AMOTL1: variants seen among roughly 807,000 people sequenced by gnomAD.
AMOTL1 encodes the protein angiomotin like 1.
AMOTL1 carries 45 observed loss-of-function variants against 102.9 expected under a neutral mutation model. That is an observed-to-expected ratio of 0.44 (90% CI 0.34 to 0.56). The LOEUF (loss-of-function observed/expected upper bound fraction) is 0.56, where lower values mean the gene tolerates loss of function less well. AMOTL1 is among the 20% of genes least tolerant of loss of function. The probability of loss-of-function intolerance (pLI) is 0.01; values close to 1 mark genes in which losing one functional copy is unlikely to be tolerated. For missense variants in AMOTL1, 1,114 were observed against 1,225.6 expected, an observed-to-expected ratio of 0.91 and a Z score of 1.36; for synonymous variants, 481 against 484.7, an observed-to-expected ratio of 0.99 and a Z score of 0.10.
At chr11:94,732,794 CT>C (rs369963002) in intron 2 of AMOTL1, among the ~76,000 whole-genome samples, 2 of 152,180 alleles carry the variant, frequency 1.3e-5, no homozygotes, top group African/African-American at 4.8e-5. Context: ...GCTTAAGCTC[CT>C]CTTTAGGGGA....
chr11:94,845,617 G>A (rs1038590753), intron 6 of AMOTL1, among the ~76,000 whole-genome samples: 1 of 152,208 alleles, frequency 6.6e-6, no homozygotes, highest in African/African-American at 2.4e-5. Flanking sequence ...AATAGATCTT[G>A]TGAGCTTCAT....
chr11:94,804,402 C>G (rs1471008996), intron 3 of AMOTL1, among the ~76,000 whole-genome samples: 2 of 152,332 alleles, frequency 1.3e-5, no homozygotes, highest in East Asian at 3.9e-4. Context: ...ATCCTCCCAT[C>G]ATAGTCTCCC....
intron 6 of AMOTL1, among the ~76,000 whole-genome samples, chr11:94,836,575 T>G (rs1279456856): frequency 6.6e-6 from 1 of 152,198 alleles, no homozygotes. Flanking sequence ...AGGCTTGAAA[T>G]TATCCTTATG....
intron 3 of AMOTL1, among the ~76,000 whole-genome samples, chr11:94,752,968 TTG>T (rs1376225837): frequency 2.6e-5 from 4 of 152,226 alleles, no homozygotes; most frequent in Non-Finnish European, 5.9e-5. Context: ...ATTGTTGCTC[TTG>T]TGGTTGGTCA....
At chr11:94,795,934 C>G (rs1377037387) in intron 2 of AMOTL1, among the ~76,000 whole-genome samples, 2 of 152,130 alleles carry the variant, frequency 1.3e-5, no homozygotes, top group Non-Finnish European at 2.9e-5. Flanking sequence ...TTTCGTAACC[C>G]CAGCACCTGT....
rs117309376 is a variant in AMOTL1 at position 94,806,551 on chromosome 11, C to T, written c.1121+6240C>T. Among the ~76,000 whole-genome samples the T allele has an allele frequency of 9.7e-3, 1,476 of 152,272 alleles. 15 individuals are homozygous for T. Among genetic ancestry groups the T allele is most frequent in the Middle Eastern group, 0.02 (6 of 294 alleles). ...GCCATGGAGCCTTATTTAAATTCCA[C>T]CAGCTAAACATGTGTTTTGAATACC... On this transcript the variant is annotated intron_variant, in intron 3 of 12. Coordinates refer to ENST00000433060, the MANE Select transcript of AMOTL1 (RefSeq NM_130847.3).
chr11:94,760,930 TTTTTTA>T (rs1228879582), intron 3 of AMOTL1, among the ~76,000 whole-genome samples: 4 of 151,980 alleles, frequency 2.6e-5, no homozygotes, highest in Non-Finnish European at 5.9e-5. Flanking sequence ...ACCTGGTCAA[TTTTTTA>T]TTTTTATTTT....
chr11:94,821,738 A>G lies in AMOTL1; in HGVS notation c.1330A>G (p.Met444Val). 1.2e-6 allele frequency: 2 copies of G among 1,613,994 alleles called. No homozygotes were observed. The highest frequency in any genetic ancestry group is 1.1e-5 in the South Asian group (1 of 91,090). The change falls in exon 4 of 13, where the codon ATG becomes GTG. Residue 444 changes from methionine to valine, a missense_variant. Physicochemically the swap from Met to Val is conservative, Grantham distance 21 (BLOSUM62 1). Coordinates refer to ENST00000433060, the MANE Select transcript of AMOTL1 (RefSeq NM_130847.3). ...AFAIVERAQQ[M>V]VEILTEENRV... ...TGCGATTGTGGAGCGAGCCCAGCAA[A>G]TGGTGGAGATATTAACAGAGGAGAA...
At chr11:94,817,694 T>G (rs1938247421) in intron 3 of AMOTL1, among the ~76,000 whole-genome samples, 1 of 152,178 alleles carries the variant, frequency 6.6e-6, no homozygotes, top group Non-Finnish European at 1.5e-5. Context: ...TCAAAAGGTG[T>G]TTTTTATAAT....
At chr11:94,752,224 C>T (rs1159523005) in intron 3 of AMOTL1, among the ~76,000 whole-genome samples, 1 of 152,230 alleles carries the variant, frequency 6.6e-6, no homozygotes, top group South Asian at 2.1e-4. Flanking sequence ...TTCCCTCCTC[C>T]ATTTCTGTCT....
At chr11:94,776,477 TC>T (rs1951027035) in intron 1 of AMOTL1, among the ~76,000 whole-genome samples, 1 of 152,226 alleles carries the variant, frequency 6.6e-6, no homozygotes, top group African/African-American at 2.4e-5. Flanking sequence ...ACTCTGTCCT[TC>T]CTTCTTTCCC....
At chr11:94,818,188 G>C (rs1030669620) in intron 3 of AMOTL1, among the ~76,000 whole-genome samples, 2 of 152,232 alleles carry the variant, frequency 1.3e-5, no homozygotes, top group Non-Finnish European at 2.9e-5. Flanking sequence ...GATAGAACCA[G>C]ATTGCTTTAA....
rs757170290 is a variant in AMOTL1 at position 94,795,161 on chromosome 11, G to T, written c.199+1G>T. 29 of 1,613,234 alleles carry T rather than the reference G, an allele frequency of 1.8e-5. No individual in the cohort carries two copies. The highest frequency in any genetic ancestry group is 2.1e-5 in the Non-Finnish European group (25 of 1,179,714). ...ACCAGTAGCATCAGGGAAAAAGTTG[G>T]TAAGTCCTTTTACCGGCACTTGTGT... On this transcript the variant is annotated splice_donor_variant, in intron 2 of 12. Transcript: ENST00000433060. LOFTEE classifies it high-confidence loss of function.
intron 2 of AMOTL1, chr11:94,740,501 TCGC>T (rs1222774989): frequency 1.3e-5 from 2 of 151,536 alleles, no homozygotes; most frequent in African/African-American, 2.4e-5. Flanking sequence ...CGAGGGGTGC[TCGC>T]CGCCGCCGCC....
Position 94,722,912 on chromosome 11 carries a change from C to T in AMOTL1, c.-50-6009C>T, listed in dbSNP as rs535058758. ...TAAGGTGATTTGTCCTGAGTCATTA[C>T]ATTAAAAAGCCACAAACCAGATGAG... On this transcript the variant is annotated intron_variant, in intron 1 of 4. Coordinates refer to the AMOTL1 transcript ENST00000299004. Among the ~76,000 whole-genome samples, 7 of 152,244 alleles carry T rather than the reference C, an allele frequency of 4.6e-5. No homozygotes were observed. In the South Asian group the frequency reaches 1.4e-3, roughly 32 times the overall value.
intron 3 of AMOTL1, among the ~76,000 whole-genome samples, chr11:94,803,188 A>C (rs966773266): frequency 2.0e-5 from 3 of 152,214 alleles, no homozygotes. Flanking sequence ...CAAAGAGACA[A>C]GTGATAGAAC....
chr11:94,810,249 A>G (rs539428819), intron 3 of AMOTL1, among the ~76,000 whole-genome samples: 2 of 152,324 alleles, frequency 1.3e-5, no homozygotes, highest in South Asian at 4.1e-4. Context: ...TTGTATAAGG[A>G]AACCAATTTT....
chr11:94,711,494 T>A (rs1950021385), intron 1 of AMOTL1, among the ~76,000 whole-genome samples: 1 of 152,120 alleles, frequency 6.6e-6, no homozygotes, highest in Non-Finnish European at 1.5e-5. Context: ...TGTGTGTGAT[T>A]GTATACAGTT....
rs1458328587 is a variant in AMOTL1, at chr11:94,795,136, A to G, written c.175A>G (p.Thr59Ala). 1.2e-6 allele frequency: 2 copies of G among 1,613,758 alleles called. No homozygotes were observed. The highest frequency in any genetic ancestry group is 8.5e-7 in the Non-Finnish European group (1 of 1,179,822). ...HETSALTVEATSSIREKVVED... is the reference protein window; with the variant it reads ...HETSALTVEAASSIREKVVED... ...AACATCTGCTTTGACGGTGGAGGCAACCAGTAGCATCAGGGAAAAAGTTGG... is the reference window on the plus strand; with the variant it reads ...AACATCTGCTTTGACGGTGGAGGCAGCCAGTAGCATCAGGGAAAAAGTTGG... The change falls in exon 2 of 13, where the codon ACC becomes GCC. Residue 59 changes from threonine to alanine, a missense_variant. Transcript: ENST00000433060.
Sources: gnomAD v4.1 joint callset for allele counts (sites outside exome capture counted in the v4.1 genomes callset) on GRCh38, gnomAD v4.1.1 for gene constraint, MANE v1.5 for transcripts, NCBI Gene and HGNC (gene_info 2026-07-23, HGNC 2026-07-21) for gene names.